CUX2: variants seen among roughly 807,000 people sequenced by gnomAD.
CUX2 encodes the protein cut like homeobox 2, also known as homeobox protein cut-like 2.
Under a neutral mutation model 144.8 loss-of-function variants are expected in CUX2, and 40 were observed. The observed-to-expected ratio is 0.28, with a 90% confidence interval of 0.21 to 0.36. The LOEUF (loss-of-function observed/expected upper bound fraction) is 0.36. Ranked by LOEUF, CUX2 falls within the 10% of genes least tolerant of loss-of-function variation. The pLI is 1.00. For missense variants in CUX2, 1,615 were observed against 1,994.0 expected (o/e 0.81, Z 3.62); for synonymous variants, 827 against 875.6 (o/e 0.94, Z 0.98).
Position 111,334,640 on chromosome 12 carries a change from C to T in CUX2, c.3126C>T (p.Ala1042=), listed in dbSNP as rs577764933. ...CAGGGGGCATCCAGGAGATCGTGGCCATGTCCCCCGAGCTGGACACGTACT... is the reference window on the plus strand; with the variant it reads ...CAGGGGGCATCCAGGAGATCGTGGCTATGTCCCCCGAGCTGGACACGTACT... ...QAPGGIQEIV[A]MSPELDTYSI... The change falls in exon 19 of 22, where the codon GCC becomes GCT. Residue 1042 remains alanine, a synonymous_variant. Transcript: ENST00000261726. 19 of 1,614,006 alleles carry T rather than the reference C, an allele frequency of 1.2e-5. No homozygotes were observed. The East Asian group carries it at 2.2e-4, about 19-fold the overall frequency.
rs941152010 is a variant in CUX2, at chr12:111,293,641, G to A, written c.560+72G>A. Reference sequence around the variant, plus strand: ...TCCTGCTGCCCCACCTGGCTGGGTCGTGGACGGGGAAAGTCTCCTACCAGA... The same window carrying A: ...TCCTGCTGCCCCACCTGGCTGGGTCATGGACGGGGAAAGTCTCCTACCAGA... On this transcript the variant is annotated intron_variant, in intron 6 of 21. Transcript: ENST00000261726. The surrounding 1 kb of genome is among the most constrained non-coding windows in gnomAD (Gnocchi z 4.5). 19 of 1,513,014 alleles carry A rather than the reference G, an allele frequency of 1.3e-5. No homozygotes were observed. Among genetic ancestry groups the A allele is most frequent in the Admixed American group, 4.2e-5 (2 of 47,322 alleles). 93.7% of individuals were successfully genotyped at this position (1,513,014 alleles called of 1,614,324 possible).
At chr12:111,240,361 C>T (rs561553374) in intron 3 of CUX2, among the ~76,000 whole-genome samples, 2 of 152,354 alleles carry the variant, frequency 1.3e-5, no homozygotes, top group South Asian at 4.1e-4. Context: ...TCTAGTCTGG[C>T]TTTCTCAGCT....
intron 4 of CUX2, among the ~76,000 whole-genome samples, chr12:111,284,227 T>G (rs1047915224): frequency 2.6e-5 from 4 of 152,118 alleles, no homozygotes; most frequent in Non-Finnish European, 5.9e-5. Flanking sequence ...TGACACCTAA[T>G]GTTGAGTGCA....
intron 16 of CUX2, among the ~76,000 whole-genome samples, chr12:111,316,557 C>G (rs1266279361): frequency 6.9e-6 from 1 of 144,430 alleles, no homozygotes; most frequent in Non-Finnish European, 1.5e-5. Flanking sequence ...TCAAGCAATT[C>G]TCCTGCCTCA....
chr12:111,130,704 T>C (rs1190089363), intron 1 of CUX2, among the ~76,000 whole-genome samples: 1 of 152,236 alleles, frequency 6.6e-6, no homozygotes, highest in Admixed American at 6.5e-5. Context: ...TGTCCCAGTC[T>C]TCAATCTCTT....
At chr12:111,267,662 G>T (rs2136296685) in intron 4 of CUX2, among the ~76,000 whole-genome samples, 1 of 152,322 alleles carries the variant, frequency 6.6e-6, no homozygotes, top group South Asian at 2.1e-4. Context: ...CCAAGATCAA[G>T]GTGTCAACAG....
intron 3 of CUX2, among the ~76,000 whole-genome samples, chr12:111,252,524 CAGGACCTCAGCTGAGTTTGAGCTACT>C (rs1296542633): frequency 1.3e-5 from 2 of 152,172 alleles, no homozygotes; most frequent in Non-Finnish European, 2.9e-5. Context: ...ACAGAGCAGT[CAGGACCTCAGCTGAGTTTGAGCTACT>C]AGGAGGGCAT....
At chr12:111,036,929 A>T (rs1484886861) in intron 1 of CUX2, among the ~76,000 whole-genome samples, 1 of 121,136 alleles carries the variant, frequency 8.3e-6, no homozygotes, top group Non-Finnish European at 1.6e-5. Context: ...ATCCTCACTG[A>T]TGGCATTTTT....
At chr12:111,182,938 G>A (rs982639255) in intron 1 of CUX2, among the ~76,000 whole-genome samples, 9 of 152,092 alleles carry the variant, frequency 5.9e-5, no homozygotes, top group African/African-American at 1.2e-4. Context: ...CCATTTATTC[G>A]CCACCAACTG....
chr12:111,337,035 C>CA (rs1888383302), intron 19 of CUX2, among the ~76,000 whole-genome samples: 1 of 151,758 alleles, frequency 6.6e-6, no homozygotes, highest in African/African-American at 2.4e-5. Context: ...ATTAACTGGG[C>CA]ATGGTAGTGT....
intron 18 of CUX2, among the ~76,000 whole-genome samples, chr12:111,330,734 T>TATATATATATACAC (rs1888083387): frequency 1.8e-5 from 1 of 54,854 alleles, no homozygotes; most frequent in African/African-American, 7.1e-5. Context: ...TATATATATA[T>TATATATATATACAC]ATATATATAT....
chr12:111,111,067 C>T (rs1347020801), intron 1 of CUX2, among the ~76,000 whole-genome samples: 1 of 152,058 alleles, frequency 6.6e-6, no homozygotes, highest in African/African-American at 2.4e-5. Context: ...TTTGGGAGGC[C>T]GAGGTGGGCA....
At chr12:111,196,446 C>T (rs369545869) in intron 1 of CUX2, among the ~76,000 whole-genome samples, 3 of 152,296 alleles carry the variant, frequency 2.0e-5, no homozygotes, top group South Asian at 4.1e-4. Context: ...GTGGCTGTAC[C>T]ATGTTGCATT....
Position 111,034,226 on chromosome 12 carries a change from C to A in CUX2, c.49C>A (p.Leu17Ile). ...SMFQYWKRFDLRRLQKELNSV... is the reference protein window; with the variant it reads ...SMFQYWKRFDIRRLQKELNSV... ...GTTTCAATATTGGAAGCGATTTGAT[C>A]TACGGCGACTCCAGGTTAGTGCGGG... Residue 17 changes from leucine (L) to isoleucine (I), a missense_variant, in exon 1 of 22, where the codon CTA becomes ATA. Leu to Ile is a conservative substitution (Grantham distance 5). Around this residue, in one of 12 missense-constraint regions of CUX2, gnomAD observed 64 missense variants for 64.9 expected, o/e 0.99. Transcript: ENST00000261726. The surrounding 1 kb of genome is among the most constrained non-coding windows in gnomAD (Gnocchi z 4.2). 7.1e-7 allele frequency: 1 copy of A among 1,398,800 alleles called. No homozygotes were observed. The allele number at this position is 1,398,800 out of a possible 1,614,324, so 86.6% of individuals were successfully genotyped here.
chr12:111,121,017 G>A lies in CUX2; in HGVS notation c.63+86777G>A, dbSNP rs1302738799. ...CCAGATTCCTGCCTGTCACCCGCCA[G>A]ACTTTTAAGGGTTCTACGCTTGGGC... On this transcript the variant is annotated intron_variant, in intron 1 of 21. Transcript: ENST00000261726. Among the ~76,000 whole-genome samples the A allele has an allele frequency of 4.0e-5, 6 of 149,822 alleles. No individual in the cohort carries two copies. The East Asian group carries it at 1.0e-3, about 25-fold the overall frequency.
chr12:111,134,620 C>CTCTGTGTGTGTGTGTGTGTGTGTGTGTG (rs1026548098), intron 1 of CUX2, among the ~76,000 whole-genome samples: 13 of 142,208 alleles, frequency 9.1e-5, no homozygotes, highest in African/African-American at 3.6e-4. Flanking sequence ...CTCTCTCTCT[C>CTCTGTGTGTGTGTGTGTGTGTGTGTGTG]TGTGTGTGTG....
At chr12:111,279,858 T>C (rs1456350463) in intron 4 of CUX2, among the ~76,000 whole-genome samples, 1 of 152,246 alleles carries the variant, frequency 6.6e-6, no homozygotes, top group Non-Finnish European at 1.5e-5. Context: ...GGCACATGCC[T>C]TTAGTCCCAG....
At chr12:111,152,580 G>T (rs1877118035) in intron 1 of CUX2, among the ~76,000 whole-genome samples, 2 of 152,234 alleles carry the variant, frequency 1.3e-5, no homozygotes, top group South Asian at 2.1e-4. Context: ...TATACACGAT[G>T]CAGGCCAAAC....
intron 17 of CUX2, among the ~76,000 whole-genome samples, chr12:111,321,527 T>G (rs1368372521): frequency 2.0e-5 from 3 of 148,868 alleles, no homozygotes; most frequent in African/African-American, 7.4e-5. Flanking sequence ...GACCCCCATC[T>G]CTACAAAATA....
Sources: gnomAD v4.1 joint callset for allele counts (sites outside exome capture counted in the v4.1 genomes callset) on GRCh38, gnomAD v4.1.1 for gene constraint, gnomAD v4.1.1 regional missense constraint, Gnocchi (gnomAD v3.1) non-coding constraint, MANE v1.5 for transcripts, NCBI Gene and HGNC (gene_info 2026-07-23, HGNC 2026-07-21) for gene names.